GRIP1: variants seen among roughly 807,000 people sequenced by gnomAD.
The protein encoded by GRIP1 is glutamate receptor interacting protein 1, also known as glutamate receptor-interacting protein 1.
In GRIP1, 45 loss-of-function variants were observed where a neutral mutation model predicts 129.9. The ratio of observed to expected loss-of-function variants is 0.35; its 90% CI spans 0.27 to 0.44. The LOEUF (loss-of-function observed/expected upper bound fraction) is 0.44, where lower values mean the gene tolerates loss of function less well. Ranked by LOEUF, GRIP1 falls within the 20% of genes least tolerant of loss-of-function variation. GRIP1 has a pLI of 1.00. For missense variants in GRIP1, 1,196 were observed against 1,396.8 expected, an observed-to-expected ratio of 0.86 and a Z score of 2.29; for synonymous variants, 530 against 520.8, an observed-to-expected ratio of 1.02 and a Z score of -0.24.
chr12:66,683,216 G>A (rs1249771520), upstream of GRIP1, among the ~76,000 whole-genome samples: 6 of 151,500 alleles, frequency 4.0e-5, no homozygotes, highest in South Asian at 1.3e-3. Context: ...TATTATAATC[G>A]GCCATTTTTA....
At chr12:66,840,841 C>G (rs1463678476) in intron 1 of GRIP1, among the ~76,000 whole-genome samples, 1 of 152,128 alleles carries the variant, frequency 6.6e-6, no homozygotes, top group Admixed American at 6.5e-5. Context: ...CATGCACAGA[C>G]AGCCCAGTGA....
At chr12:66,587,363 T>C (rs1335711771) in intron 2 of GRIP1, among the ~76,000 whole-genome samples, 1 of 152,252 alleles carries the variant, frequency 6.6e-6, no homozygotes, top group Non-Finnish European at 1.5e-5. Context: ...CCTCAGGTTT[T>C]CTATCTGAGC....
intron 1 of GRIP1, among the ~76,000 whole-genome samples, chr12:66,622,677 C>A (rs1000836256): frequency 2.0e-5 from 3 of 152,126 alleles, no homozygotes; most frequent in African/African-American, 7.2e-5. Context: ...TTCTCTGTTA[C>A]CTGGTCCCTG....
Position 66,392,576 on chromosome 12 carries a change from G to C in GRIP1, c.2270-74C>G, listed in dbSNP as rs1281227525. On this transcript the variant is annotated intron_variant, in intron 18 of 24. Coordinates refer to ENST00000359742, the MANE Select transcript of GRIP1 (RefSeq NM_001366722.1). ...AATATACCAAGATACTCCGTGGCTA[G>C]AGATTTGTTTCCCTAGAATTACACA... 9 of 1,574,918 alleles carry C rather than the reference G, an allele frequency of 5.7e-6. No homozygotes were observed. In the Admixed American group the frequency reaches 1.0e-4, roughly 18 times the overall value.
At chr12:67,061,117 G>A (rs1171985093) in intron 1 of GRIP1, among the ~76,000 whole-genome samples, 1 of 152,186 alleles carries the variant, frequency 6.6e-6, no homozygotes, top group Admixed American at 6.5e-5. Context: ...TTACAAATGG[G>A]AGTCCAAAGG....
intron 2 of GRIP1, among the ~76,000 whole-genome samples, chr12:66,575,738 C>T (rs189024067): frequency 1.3e-5 from 2 of 152,250 alleles, no homozygotes. Flanking sequence ...GGCAAGAAGT[C>T]TCTGCTTGTA....
chr12:66,585,983 T>C (rs1396822214), intron 2 of GRIP1, among the ~76,000 whole-genome samples: 1 of 152,212 alleles, frequency 6.6e-6, no homozygotes, highest in African/African-American at 2.4e-5. Flanking sequence ...TTTTCTCTCA[T>C]TCCACTATAT....
At chr12:66,580,989 A>G (rs1423242051) in intron 2 of GRIP1, among the ~76,000 whole-genome samples, 1 of 152,214 alleles carries the variant, frequency 6.6e-6, no homozygotes, top group African/African-American at 2.4e-5. Context: ...CTATTCCAAA[A>G]TTGACCACAT....
At chr12:66,413,979 A>G (rs2057492515) in intron 15 of GRIP1, among the ~76,000 whole-genome samples, 1 of 152,186 alleles carries the variant, frequency 6.6e-6, no homozygotes, top group Non-Finnish European at 1.5e-5. Flanking sequence ...GGACAAACCC[A>G]TAGCCAATAT....
At chr12:67,031,444 A>G (rs2135779730) in intron 1 of GRIP1, among the ~76,000 whole-genome samples, 1 of 152,082 alleles carries the variant, frequency 6.6e-6, no homozygotes, top group East Asian at 1.9e-4. Flanking sequence ...ACTAGACACC[A>G]TCTTCCGCTA....
chr12:66,387,948 CAAAG>C (rs2056424254), intron 19 of GRIP1, among the ~76,000 whole-genome samples: 1 of 150,754 alleles, frequency 6.6e-6, no homozygotes, highest in South Asian at 2.1e-4. Context: ...TATGAAAACA[CAAAG>C]AAGGAATATA....
intron 7 of GRIP1, among the ~76,000 whole-genome samples, chr12:66,497,682 A>G (rs2060272030): frequency 6.6e-6 from 1 of 152,128 alleles, no homozygotes; most frequent in Non-Finnish European, 1.5e-5. Context: ...TGGGAGAGAG[A>G]TGGCAGCATC....
At chr12:66,714,160 T>A (rs903268981) in intron 1 of GRIP1, among the ~76,000 whole-genome samples, 3 of 152,092 alleles carry the variant, frequency 2.0e-5, no homozygotes, top group Non-Finnish European at 4.4e-5. Context: ...CTGTTTTACT[T>A]TTTAAATCCA....
intron 1 of GRIP1, among the ~76,000 whole-genome samples, chr12:66,799,782 T>C (rs1420005011): frequency 1.3e-5 from 2 of 152,180 alleles, no homozygotes; most frequent in Non-Finnish European, 2.9e-5. Flanking sequence ...TGTGGTTACA[T>C]GAATTTACCA....
At chr12:66,972,641 C>T (rs2042091194) in intron 1 of GRIP1, among the ~76,000 whole-genome samples, 1 of 152,214 alleles carries the variant, frequency 6.6e-6, no homozygotes, top group Non-Finnish European at 1.5e-5. Flanking sequence ...CACATAACAG[C>T]TCTTCAGATA....
At chr12:66,489,348 C>T (rs993250717) in intron 7 of GRIP1, among the ~76,000 whole-genome samples, 5 of 152,106 alleles carry the variant, frequency 3.3e-5, no homozygotes, top group South Asian at 2.1e-4. Context: ...TGTGATTCAT[C>T]GCATAAGCAG....
rs563122799 is a variant in GRIP1, at chr12:66,768,317, C to G, written c.-420+35736G>C. ...TCAGTGTAGCAGGCAACCACTTTCC[C>G]AAGTTATATAATTGTGGATCACTGA... On this transcript the variant is annotated intron_variant, in intron 1 of 4. Transcript: ENST00000538373. 5.9e-5 allele frequency among the ~76,000 whole-genome samples: 9 copies of G among 152,308 alleles called. No homozygotes were observed. The East Asian group carries it at 9.6e-4, about 16-fold the overall frequency.
At chr12:66,843,483 A>G (rs929305198) in intron 1 of GRIP1, among the ~76,000 whole-genome samples, 11 of 152,108 alleles carry the variant, frequency 7.2e-5, no homozygotes, top group African/African-American at 2.7e-4. Context: ...TGATATTTTA[A>G]TAGGGATTGC....
chr12:66,829,474 C>A (rs1031488145), intron 1 of GRIP1, among the ~76,000 whole-genome samples: 1 of 152,120 alleles, frequency 6.6e-6, no homozygotes, highest in Non-Finnish European at 1.5e-5. Flanking sequence ...TTTTAAGCCA[C>A]CAAGCTTGTG....
Sources: allele counts gnomAD v4.1 joint callset (sites outside exome capture counted in the v4.1 genomes callset), GRCh38; gene constraint gnomAD v4.1.1; transcripts MANE v1.5; gene names NCBI Gene and HGNC (gene_info 2026-07-23, HGNC 2026-07-21).